Variants in UBN2 observed in about 807,000 individuals in gnomAD.
UBN2 encodes ubinuclein-2.
UBN2 carries 35 observed loss-of-function variants against 120.2 expected under a neutral mutation model. That is an observed-to-expected ratio of 0.29 (90% CI 0.22 to 0.39). The LOEUF (loss-of-function observed/expected upper bound fraction) is 0.39, where lower values mean the gene tolerates loss of function less well. UBN2 is among the 10% of genes least tolerant of loss of function. The probability of loss-of-function intolerance (pLI) is 1.00; values close to 1 mark genes in which losing one functional copy is unlikely to be tolerated. For missense variants in UBN2, 1,693 were observed against 1,663.2 expected, an observed-to-expected ratio of 1.02 and a Z score of -0.31; for synonymous variants, 661 against 648.7, an observed-to-expected ratio of 1.02 and a Z score of -0.29.
rs1278534297 is a variant in UBN2 at position 139,231,562 on chromosome 7, G to A, written c.78G>A (p.Glu26=). The change falls in exon 1 of 18, where the codon GAG becomes GAA. Residue 26 remains glutamate, a synonymous_variant. Coordinates refer to ENST00000473989, the MANE Select transcript of UBN2 (RefSeq NM_173569.4). The stretch of plus-strand genomic sequence containing the variant: ...GCGAGGCCGAGTACCCGGGGCCCGA[G>A]CGTGAGCCCGAGTACCCCCGCGAGC... ...RRREAEYPGP[E]REPEYPREPP... is the part of the protein sequence containing the mutation. The A allele has an allele frequency of 5.7e-6, 8 of 1,413,426 alleles. No homozygotes were observed. The highest frequency in any genetic ancestry group is 4.4e-5 in the African/African-American group (3 of 67,866). 87.6% of individuals were successfully genotyped at this position (1,413,426 alleles called of 1,614,324 possible). A position where few individuals can be genotyped will look rare whatever the true frequency, so the allele number is the denominator to read the frequency against.
At chr7:139,235,815 A>G (rs531717892) in intron 1 of UBN2, among the ~76,000 whole-genome samples, 1 of 152,328 alleles carries the variant, frequency 6.6e-6, no homozygotes, top group South Asian at 2.1e-4. Flanking sequence ...GTATCCCTTT[A>G]TTCTAATGTC....
intron 6 of UBN2, among the ~76,000 whole-genome samples, chr7:139,265,439 C>T (rs1023956671): frequency 1.3e-5 from 2 of 152,114 alleles, no homozygotes; most frequent in African/African-American, 4.8e-5. Context: ...GATCGCGCCA[C>T]TGCACTCCAG....
At chr7:139,234,201 G>A (rs1426357821) in intron 1 of UBN2, among the ~76,000 whole-genome samples, 1 of 151,964 alleles carries the variant, frequency 6.6e-6, no homozygotes. Context: ...AGAAGAATTA[G>A]AAAAGGAAGG....
Position 139,251,976 on chromosome 7 carries a change from C to T in UBN2, c.582C>T (p.His194=). The T allele has an allele frequency of 1.2e-6, 2 of 1,614,080 alleles. No homozygotes were observed. Among genetic ancestry groups the T allele is most frequent in the East Asian group, 2.2e-5 (1 of 44,880 alleles). Residue 194 remains histidine, a synonymous_variant, in exon 3 of 18, where the codon CAC becomes CAT. Transcript: ENST00000473989. ...TGCAGGGTGGGAAACCCCGTAAACA[C>T]CGGAAGGATCGGCTACAAGATTTAA... is the stretch of plus-strand genomic sequence containing the variant. ...EMKYGGKPRK[H]RKDRLQDLID...
At chr7:139,314,880 T>G in the UBN2 span, among the ~76,000 whole-genome samples, 1 of 152,100 alleles carries the variant, frequency 6.6e-6, no homozygotes, top group Non-Finnish European at 1.5e-5. Flanking sequence ...AGTCTTGCCA[T>G]TCTTCCTTCT....
At chr7:139,272,073 T>C (rs1797293162) in intron 8 of UBN2, among the ~76,000 whole-genome samples, 1 of 152,162 alleles carries the variant, frequency 6.6e-6, no homozygotes, top group Non-Finnish European at 1.5e-5. Flanking sequence ...TGGAACACTA[T>C]TAATAATTAT....
chr7:139,278,573 A>G (rs969734552), intron 12 of UBN2, among the ~76,000 whole-genome samples: 3 of 152,012 alleles, frequency 2.0e-5, no homozygotes, highest in African/African-American at 7.2e-5. Flanking sequence ...GTAGGAATCT[A>G]TGGGATAAGT....
chr7:139,318,795 T>G, the UBN2 span, among the ~76,000 whole-genome samples: 1 of 152,192 alleles, frequency 6.6e-6, no homozygotes, highest in Non-Finnish European at 1.5e-5. Context: ...TTCAAATTAA[T>G]TCTCAGCTTA....
intron 3 of UBN2, among the ~76,000 whole-genome samples, chr7:139,255,463 ACTT>A (rs1796732039): frequency 6.6e-6 from 1 of 152,098 alleles, no homozygotes; most frequent in Non-Finnish European, 1.5e-5. Context: ...AAAGTGGAAA[ACTT>A]CTGTTTTAAT....
chr7:139,322,531 GC>G, the UBN2 span, among the ~76,000 whole-genome samples: 1 of 151,878 alleles, frequency 6.6e-6, no homozygotes, highest in Admixed American at 6.6e-5. Flanking sequence ...GGCCCTCTTG[GC>G]CCACTTCCAG....
chr7:139,254,806 T>C (rs1796714435), intron 3 of UBN2, among the ~76,000 whole-genome samples: 1 of 152,228 alleles, frequency 6.6e-6, no homozygotes. Context: ...AGAGCAGTTT[T>C]AGAGTCACAG....
At chr7:139,280,865 C>CTTT (rs1393331585) in intron 13 of UBN2, among the ~76,000 whole-genome samples, 1 of 152,316 alleles carries the variant, frequency 6.6e-6, no homozygotes, top group African/African-American at 2.4e-5. Flanking sequence ...AGGCTGCTCT[C>CTTT]TAACTCCTGA....
chr7:139,257,696 G>A (rs916589919), intron 3 of UBN2, among the ~76,000 whole-genome samples: 3 of 152,106 alleles, frequency 2.0e-5, no homozygotes, highest in Admixed American at 1.3e-4. Context: ...GATTATAGGC[G>A]TGAGCCACCA....
intron 15 of UBN2, among the ~76,000 whole-genome samples, chr7:139,288,630 C>G (rs766274003): frequency 2.0e-5 from 3 of 152,048 alleles, no homozygotes; most frequent in African/African-American, 4.8e-5. Flanking sequence ...GTCTGATTTG[C>G]ATTTCAAAAG....
intron 3 of UBN2, among the ~76,000 whole-genome samples, chr7:139,258,029 C>T (rs1209098158): frequency 2.6e-5 from 4 of 152,234 alleles, no homozygotes; most frequent in African/African-American, 9.6e-5. Flanking sequence ...CCGCCTCAGC[C>T]TCCCAACTGG....
Position 139,300,760 on chromosome 7 carries a change from C to T in UBN2, c.*2924C>T, listed in dbSNP as rs1392163889. ...GCCTTCACTGATATATAAGCTGTTACTGTACATACAAGTTAATCCTCAGTA... is the reference window on the plus strand; with the variant it reads ...GCCTTCACTGATATATAAGCTGTTATTGTACATACAAGTTAATCCTCAGTA... On this transcript the variant is annotated 3_prime_UTR_variant, in exon 18 of 18. Transcript: ENST00000473989. 2 of 152,178 alleles carry T rather than the reference C, an allele frequency of 1.3e-5. No homozygotes were observed. Among genetic ancestry groups the T allele is most frequent in the Non-Finnish European group, 2.9e-5 (2 of 68,034 alleles). 9.4% of individuals were successfully genotyped at this position (152,178 alleles called of 1,614,324 possible). A position where few individuals can be genotyped will look rare whatever the true frequency, so the allele number is the denominator to read the frequency against.
intron 15 of UBN2, among the ~76,000 whole-genome samples, chr7:139,290,607 A>G (rs1207352432): frequency 2.0e-5 from 3 of 152,220 alleles, no homozygotes; most frequent in Admixed American, 6.5e-5. Context: ...TCAGCTTTGG[A>G]TATGTCAAGT....
intron 2 of UBN2, among the ~76,000 whole-genome samples, chr7:139,247,077 A>T (rs1261228705): frequency 6.6e-6 from 1 of 152,134 alleles, no homozygotes; most frequent in Non-Finnish European, 1.5e-5. Flanking sequence ...GGTGCATGTA[A>T]CAGTGGGGTT....
intron 5 of UBN2, among the ~76,000 whole-genome samples, chr7:139,260,337 A>AT (rs143742238): frequency 0.02 from 3,086 of 151,272 alleles, 116 homozygotes; most frequent in African/African-American, 0.07. Flanking sequence ...GGCTCAAGTG[A>AT]TTCACCAGCC....
Sources: allele counts gnomAD v4.1 joint callset (sites outside exome capture counted in the v4.1 genomes callset), GRCh38; gene constraint gnomAD v4.1.1; transcripts MANE v1.5; gene names NCBI Gene and HGNC (gene_info 2026-07-23, HGNC 2026-07-21).